SLC35F3: variants seen among roughly 807,000 people sequenced by gnomAD.
The protein encoded by SLC35F3 is putative thiamine transporter SLC35F3.
A neutral mutation model predicts 49.9 loss-of-function variants in SLC35F3; 25 were observed. The observed-to-expected ratio is 0.50, with a 90% CI of 0.37 to 0.70. The LOEUF is 0.70. SLC35F3 is among the 30% of genes least tolerant of loss of function. SLC35F3 has a pLI of 0.00. For synonymous variants in SLC35F3, 275 were observed against 265.4 expected (o/e 1.04, Z -0.35); for missense variants, 525 against 639.8 (o/e 0.82, Z 1.94).
At position 234,226,066 on chromosome 1, in the gene SLC35F3, T is replaced by C. The variant is rs570731029; in HGVS notation, c.284-5351T>C. Among the ~76,000 whole-genome samples the C allele has an allele frequency of 1.2e-4, 19 of 152,348 alleles. No homozygotes were observed. In the South Asian group the frequency reaches 1.9e-3, roughly 15 times the overall value. The stretch of plus-strand genomic sequence containing the variant: ...GGCACAAGAACTCGTTTCGGCATGA[T>C]AGAAATGTTCCAAAATGATACTATG... On this transcript the variant is annotated intron_variant, in intron 2 of 7. Coordinates refer to ENST00000366618, the MANE Select transcript of SLC35F3 (RefSeq NM_173508.4).
intron 2 of SLC35F3, among the ~76,000 whole-genome samples, chr1:234,165,157 A>G (rs1302809423): frequency 6.6e-6 from 1 of 152,168 alleles, no homozygotes; most frequent in Non-Finnish European, 1.5e-5. Flanking sequence ...TATAGCGTAT[A>G]TATAGCATTG....
chr1:234,017,382 G>A (rs778992943), intron 2 of SLC35F3, among the ~76,000 whole-genome samples: 24 of 152,090 alleles, frequency 1.6e-4, no homozygotes, highest in Admixed American at 2.0e-4. Context: ...TTCATCAACT[G>A]ACCAAATATA....
intron 2 of SLC35F3, among the ~76,000 whole-genome samples, chr1:234,028,683 C>A (rs952413910): frequency 2.8e-4 from 42 of 152,210 alleles, no homozygotes; most frequent in African/African-American, 8.7e-4. Flanking sequence ...AAGAGAGACT[C>A]TCTATAGAAA....
intron 2 of SLC35F3, among the ~76,000 whole-genome samples, chr1:233,944,810 C>G (rs1662486419): frequency 1.3e-5 from 2 of 152,068 alleles, no homozygotes; most frequent in African/African-American, 2.4e-5. Flanking sequence ...TGCCAAGAAG[C>G]TTGTAAAACC....
rs953850397 is a variant in SLC35F3 at position 234,182,946 on chromosome 1, G to A, written c.284-48471G>A. On this transcript the variant is annotated intron_variant, in intron 2 of 7. Transcript: ENST00000366618. ...TATTTTTCTAATCTTTTCTATATTA[G>A]GGATATTAATCCTTTGAGTTATAAT... 2.1e-4 allele frequency among the ~76,000 whole-genome samples: 30 copies of A among 143,786 alleles called. 2 individuals are homozygous for A. Among genetic ancestry groups the A allele is most frequent in the African/African-American group, 6.8e-4 (28 of 41,134 alleles). The allele number at this position is 143,786 out of a possible 152,430, so 94.3% of individuals were successfully genotyped here.
At chr1:233,988,743 G>A (rs1212537384) in intron 2 of SLC35F3, among the ~76,000 whole-genome samples, 1 of 152,170 alleles carries the variant, frequency 6.6e-6, no homozygotes, top group Non-Finnish European at 1.5e-5. Flanking sequence ...TTCTTGTGCA[G>A]TTTTGTCCTC....
At chr1:234,131,447 C>A (rs971025931) in intron 2 of SLC35F3, among the ~76,000 whole-genome samples, 1 of 152,152 alleles carries the variant, frequency 6.6e-6, no homozygotes, top group Admixed American at 6.5e-5. Flanking sequence ...ACCCAGCCCC[C>A]CTTCCCCCCA....
chr1:234,108,513 GAT>G (rs1665331297), intron 2 of SLC35F3, among the ~76,000 whole-genome samples: 1 of 99,424 alleles, frequency 1.0e-5, no homozygotes, highest in African/African-American at 4.0e-5. Context: ...ATATATAAAT[GAT>G]ATATATTATT....
At chr1:234,066,826 TCTCCCACA>T (rs1214055327) in intron 2 of SLC35F3, among the ~76,000 whole-genome samples, 10 of 126,330 alleles carry the variant, frequency 7.9e-5, no homozygotes, top group African/African-American at 3.3e-4. Flanking sequence ...TGTCCCTCTC[TCTCCCACA>T]CACACACACA....
chr1:233,971,083 C>T (rs1662984033), intron 2 of SLC35F3, among the ~76,000 whole-genome samples: 1 of 152,240 alleles, frequency 6.6e-6, no homozygotes. Context: ...GACTTCCCTT[C>T]TGATCACAGG....
In SLC35F3 at chr1:234,250,067, A is replaced by G. The variant is rs547818157; in HGVS notation, c.608+18326A>G. Among the ~76,000 whole-genome samples the G allele has an allele frequency of 3.3e-5, 5 of 152,360 alleles. No homozygotes were observed. In the South Asian group the frequency reaches 1.0e-3, roughly 32 times the overall value. On this transcript the variant is annotated intron_variant, in intron 3 of 7. Coordinates refer to ENST00000366618, the MANE Select transcript of SLC35F3 (RefSeq NM_173508.4). ...ATATATGGGAGAAGAAGGAAATTAT[A>G]GGCCCTGTAGTAGACCTTCTTTTCC...
chr1:234,172,707 G>A (rs1034195682), intron 2 of SLC35F3, among the ~76,000 whole-genome samples: 3 of 152,098 alleles, frequency 2.0e-5, no homozygotes, highest in African/African-American at 7.2e-5. Flanking sequence ...GCTACAAACT[G>A]GTACAGCATG....
intron 2 of SLC35F3, among the ~76,000 whole-genome samples, chr1:234,089,682 T>C (rs1665012036): frequency 1.3e-5 from 2 of 152,128 alleles, no homozygotes; most frequent in South Asian, 2.1e-4. Flanking sequence ...TTCCACCTCA[T>C]AGAAGACAGA....
At chr1:233,956,900 G>A (rs1041088016) in intron 2 of SLC35F3, among the ~76,000 whole-genome samples, 7 of 152,290 alleles carry the variant, frequency 4.6e-5, no homozygotes, top group African/African-American at 1.4e-4. Context: ...AGGTGCCCCC[G>A]CCTAGTGGTG....
intron 2 of SLC35F3, among the ~76,000 whole-genome samples, chr1:234,139,672 C>T (rs1665861892): frequency 6.6e-6 from 1 of 152,086 alleles, no homozygotes; most frequent in East Asian, 1.9e-4. Context: ...TGACTTGGCC[C>T]GGTGCGGTGT....
At chr1:234,166,414 C>T (rs1004889431) in intron 2 of SLC35F3, among the ~76,000 whole-genome samples, 11 of 152,170 alleles carry the variant, frequency 7.2e-5, no homozygotes, top group African/African-American at 2.4e-4. Flanking sequence ...ATTTATCCAC[C>T]TTATAGTACC....
intron 2 of SLC35F3, among the ~76,000 whole-genome samples, chr1:234,034,695 G>T (rs1028008181): frequency 2.6e-5 from 4 of 151,916 alleles, no homozygotes; most frequent in Non-Finnish European, 4.4e-5. Context: ...TAATTTTTTT[G>T]TATTTTTGGT....
chr1:234,237,234 G>A (rs1667489267), intron 3 of SLC35F3, among the ~76,000 whole-genome samples: 1 of 151,958 alleles, frequency 6.6e-6, no homozygotes, highest in African/African-American at 2.4e-5. Flanking sequence ...CATAAGAGGT[G>A]GAATGACTGT....
intron 2 of SLC35F3, among the ~76,000 whole-genome samples, chr1:234,181,798 G>A (rs925399864): frequency 6.6e-6 from 1 of 151,870 alleles, no homozygotes; most frequent in Non-Finnish European, 1.5e-5. Flanking sequence ...CTTTGTTTTT[G>A]GTTTCTTTTT....
Sources: gnomAD v4.1 joint callset for allele counts (sites outside exome capture counted in the v4.1 genomes callset) on GRCh38, gnomAD v4.1.1 for gene constraint, MANE v1.5 for transcripts, NCBI Gene and HGNC (gene_info 2026-07-23, HGNC 2026-07-21) for gene names.